The following ZFHX3 variants were observed in gnomAD, a reference collection of about 807,000 sequenced individuals.
ZFHX3 encodes zinc finger homeobox protein 3.
ZFHX3 carries 42 observed loss-of-function variants against 279.1 expected under a neutral mutation model. The observed-to-expected ratio is 0.15, with a 90% CI of 0.12 to 0.19. The LOEUF is 0.19. Among genes scored for constraint, ZFHX3 ranks in the 10% least tolerant of loss-of-function variants. ZFHX3 has a pLI of 1.00. For synonymous variants in ZFHX3, 2,293 were observed against 1,957.8 expected, an observed-to-expected ratio of 1.17 and a Z score of -4.52; for missense variants, 4,981 against 4,754.0, an observed-to-expected ratio of 1.05 and a Z score of -1.40.
intron 1 of ZFHX3, among the ~76,000 whole-genome samples, chr16:72,984,680 T>C (rs957266855): frequency 8.0e-5 from 12 of 150,358 alleles, no homozygotes; most frequent in African/African-American, 2.9e-4. Context: ...TAGAGGTCAA[T>C]GTTATAGGTC....
At chr16:73,534,764 G>A (rs530421380) in intron 2 of ZFHX3, among the ~76,000 whole-genome samples, 25 of 152,298 alleles carry the variant, frequency 1.6e-4, no homozygotes, top group African/African-American at 6.0e-4. Context: ...CAAATTGTGT[G>A]TCTGAGTCTT....
chr16:73,668,287 C>T lies in ZFHX3; in HGVS notation c.-1547+11893G>A, dbSNP rs145435966. 4.1e-3 allele frequency among the ~76,000 whole-genome samples: 627 copies of T among 152,074 alleles called. 7 individuals carry two copies. Among genetic ancestry groups the T allele is most frequent in the African/African-American group, 0.014 (590 of 41,478 alleles). On this transcript the variant is annotated intron_variant, in intron 2 of 17. Coordinates refer to the ZFHX3 transcript ENST00000641206. ...AGACAGTAAATGCACATACCTCAAG[C>T]TGCTGATCTTTGTATTTTCTTTTTT...
rs181372125 is a variant in ZFHX3 at position 73,792,543 on chromosome 16, C to T, written c.-1608+99108G>A. On this transcript the variant is annotated intron_variant, in intron 1 of 17. Coordinates refer to the ZFHX3 transcript ENST00000641206. Reference sequence around the variant, plus strand: ...ACTTTCCCCATTGGGTTTACGCTCGCATTTGTCCTAATAGGTTCCAGATGT... The same window carrying T: ...ACTTTCCCCATTGGGTTTACGCTCGTATTTGTCCTAATAGGTTCCAGATGT... Among the ~76,000 whole-genome samples, 4 of 152,314 alleles carry T rather than the reference C, an allele frequency of 2.6e-5. No homozygotes were observed. The East Asian group carries it at 7.7e-4, about 29-fold the overall frequency.
intron 3 of ZFHX3, among the ~76,000 whole-genome samples, chr16:72,895,898 T>G (rs937558166): frequency 8.5e-5 from 13 of 152,124 alleles, no homozygotes; most frequent in African/African-American, 3.1e-4. Flanking sequence ...GATAGACGGA[T>G]AGATAGGTAA....
intron 2 of ZFHX3, among the ~76,000 whole-genome samples, chr16:73,507,113 C>T (rs2019340710): frequency 6.6e-6 from 1 of 152,116 alleles, no homozygotes; most frequent in Non-Finnish European, 1.5e-5. Context: ...TTTAGCAAGG[C>T]TTTTTGTCCT....
At chr16:73,267,855 A>G (rs1283332729) in intron 4 of ZFHX3, among the ~76,000 whole-genome samples, 3 of 152,136 alleles carry the variant, frequency 2.0e-5, no homozygotes, top group Admixed American at 1.3e-4. Flanking sequence ...TTTTCTCCCC[A>G]GAGTTTGATG....
At chr16:72,814,879 T>C (rs2036559545) in intron 5 of ZFHX3, among the ~76,000 whole-genome samples, 1 of 152,192 alleles carries the variant, frequency 6.6e-6, no homozygotes, top group South Asian at 2.1e-4. Context: ...ATTAGCCACC[T>C]GCAGCTCACT....
chr16:73,869,581 G>A (rs866887116), intron 1 of ZFHX3, among the ~76,000 whole-genome samples: 31 of 152,332 alleles, frequency 2.0e-4, no homozygotes, highest in African/African-American at 6.5e-4. Flanking sequence ...TTGTGTATTT[G>A]CATGACTGTA....
intron 2 of ZFHX3, among the ~76,000 whole-genome samples, chr16:73,592,101 G>A (rs2052005779): frequency 1.3e-5 from 2 of 151,888 alleles, no homozygotes; most frequent in Admixed American, 6.6e-5. Context: ...GCGTGGTGGT[G>A]CATGCCTGTA....
At chr16:73,127,559 G>A in intron 7 of ZFHX3, 1 of 1,305,420 alleles carries the variant, frequency 7.7e-7, no homozygotes, top group East Asian at 5.5e-5. Context: ...GCTCAGCCGA[G>A]CTGACTGGGG....
chr16:72,986,262 G>A (rs1470614719), intron 1 of ZFHX3, among the ~76,000 whole-genome samples: 1 of 152,156 alleles, frequency 6.6e-6, no homozygotes, highest in Admixed American at 6.5e-5. Flanking sequence ...GCCACTCAGG[G>A]CCTTCAGATT....
chr16:72,970,417 C>T (rs1466087931), intron 1 of ZFHX3, among the ~76,000 whole-genome samples: 2 of 152,182 alleles, frequency 1.3e-5, no homozygotes, highest in Admixed American at 6.6e-5. Context: ...CCCTGAGTCA[C>T]GTGGAGGCCT....
chr16:73,425,642 G>A (rs1240691180), intron 3 of ZFHX3, among the ~76,000 whole-genome samples: 2 of 152,032 alleles, frequency 1.3e-5, no homozygotes, highest in Non-Finnish European at 2.9e-5. Context: ...TATGGCAGAT[G>A]GGTCGAGCTG....
chr16:72,792,829 C>T (rs2035757977), intron 9 of ZFHX3, among the ~76,000 whole-genome samples: 1 of 152,198 alleles, frequency 6.6e-6, no homozygotes, highest in African/African-American at 2.4e-5. Flanking sequence ...GATTTAAATG[C>T]TCTTGGACCA....
intron 3 of ZFHX3, among the ~76,000 whole-genome samples, chr16:73,335,236 G>T (rs1318323132): frequency 6.6e-6 from 1 of 152,060 alleles, no homozygotes; most frequent in African/African-American, 2.4e-5. Flanking sequence ...TTTTTCCTCA[G>T]AAAACAAAGA....
At chr16:72,828,202 G>GGT (rs892812021) in intron 5 of ZFHX3, among the ~76,000 whole-genome samples, 2 of 152,176 alleles carry the variant, frequency 1.3e-5, no homozygotes, top group Non-Finnish European at 2.9e-5. Flanking sequence ...ACTCCAGAAA[G>GGT]TAAACATTTT....
At chr16:73,240,545 C>T (rs895675061) in intron 5 of ZFHX3, among the ~76,000 whole-genome samples, 1 of 152,050 alleles carries the variant, frequency 6.6e-6, no homozygotes, top group Non-Finnish European at 1.5e-5. Flanking sequence ...ATGACAAAAT[C>T]ACCAACTAAG....
chr16:73,844,187 A>G (rs866932523), intron 1 of ZFHX3, among the ~76,000 whole-genome samples: 1 of 152,234 alleles, frequency 6.6e-6, no homozygotes, highest in South Asian at 2.1e-4. Context: ...TGAAATAACA[A>G]TAAGGTAAGA....
Position 72,795,029 on chromosome 16 carries a change from G to T in ZFHX3, c.7653C>A (p.Leu2551=), listed in dbSNP as rs775018418. The change falls in exon 9 of 10, where the codon CTC becomes CTA. Residue 2551 remains leucine (L), a synonymous_variant. Coordinates refer to ENST00000268489, the MANE Select transcript of ZFHX3 (RefSeq NM_006885.4). The part of the protein sequence containing the change: ...SFEHWQEHQQ[L]HFLSAQNQFI... Reference sequence around the variant, plus strand: ...ACTGGTTCTGCGCGCTCAGGAAGTGGAGCTGCTGATGCTCCTGCCAGTGCT... The same window carrying T: ...ACTGGTTCTGCGCGCTCAGGAAGTGTAGCTGCTGATGCTCCTGCCAGTGCT... The T allele has an allele frequency of 6.2e-7, 1 of 1,614,208 alleles. No homozygotes were observed. The highest frequency in any genetic ancestry group is 1.6e-4 in the Middle Eastern group (1 of 6,062).
Sources: allele counts gnomAD v4.1 joint callset (sites outside exome capture counted in the v4.1 genomes callset), GRCh38; gene constraint gnomAD v4.1.1; transcripts MANE v1.5; gene names NCBI Gene and HGNC (gene_info 2026-07-23, HGNC 2026-07-21).